The following CAPN11 variants were observed in gnomAD, a reference collection of about 807,000 sequenced individuals.
CAPN11 encodes calpain-11.
Under a neutral mutation model 105.3 loss-of-function variants are expected in CAPN11, and 108 were observed. That is an observed-to-expected ratio of 1.03 (90% CI 0.88 to 1.20). The LOEUF is 1.20. Ranked by LOEUF, CAPN11 falls within the 50% of genes most tolerant of loss-of-function variation. CAPN11 has a pLI of 0.00. For synonymous variants in CAPN11, 329 were observed against 344.5 expected, an observed-to-expected ratio of 0.96 and a Z score of 0.50; for missense variants, 883 against 924.8, an observed-to-expected ratio of 0.95 and a Z score of 0.59.
At chr6:44,168,992 G>A (rs1483173244) in intron 2 of CAPN11, 2 of 482,780 alleles carry the variant, frequency 4.1e-6, no homozygotes, top group Non-Finnish European at 8.2e-6. Context: ...ACATCTCATT[G>A]CAGCCTCAAA....
chr6:44,169,866 G>T (rs779709745), intron 3 of CAPN11, 40 bp from the exon 4 acceptor site: 18 of 1,455,264 alleles, frequency 1.2e-5, no homozygotes, highest in East Asian at 6.9e-5. Flanking sequence ...TGGGGAGGGG[G>T]TGTCCTGGGC....
intron 14 of CAPN11, 101 bp downstream of exon 14, chr6:44,180,264 T>G: frequency 1.0e-6 from 1 of 989,896 alleles, no homozygotes; most frequent in Non-Finnish European, 1.5e-6. Flanking sequence ...TTTGTCCCTA[T>G]TTTACAGTCA....
rs760647465 is a variant in CAPN11 at position 44,172,395 on chromosome 6, A to T, written c.503A>T (p.Asn168Ile). The T allele has an allele frequency of 1.9e-5, 29 of 1,557,504 alleles. No homozygotes were observed. Among genetic ancestry groups the T allele is most frequent in the African/African-American group, 2.7e-5 (2 of 73,198 alleles). Residue 168 changes from asparagine (N) to isoleucine (I), a missense_variant, in exon 5 of 23, where the codon AAC (asparagine) becomes ATC (isoleucine). Transcript: ENST00000398776. ...VVPRGQSFKK[N>I]YAGIFHFQIW... The stretch of plus-strand genomic sequence containing the variant: ...CCCAGAGGACAGAGCTTCAAGAAAA[A>T]CTATGCTGGCATCTTCCATTTTCAG...
chr6:44,176,436 A>G, intron 9 of CAPN11, 98 bp downstream of exon 9: 1 of 1,311,304 alleles, frequency 7.6e-7, no homozygotes. Context: ...AACCTGTACA[A>G]CAGGGCAAAG....
At chr6:44,161,602 G>C (rs1236003675) in intron 1 of CAPN11, among the ~76,000 whole-genome samples, 1 of 152,212 alleles carries the variant, frequency 6.6e-6, no homozygotes, top group Non-Finnish European at 1.5e-5. Context: ...GACTGGGTAT[G>C]CAGCTTCGAA....
At chr6:44,162,226 G>C (rs535711640) in intron 1 of CAPN11, among the ~76,000 whole-genome samples, 2 of 152,186 alleles carry the variant, frequency 1.3e-5, no homozygotes, top group African/African-American at 4.8e-5. Context: ...CACAGATAGG[G>C]ATCAGGGGCT....
At chr6:44,160,342 G>A (rs1360997467) in intron 1 of CAPN11, among the ~76,000 whole-genome samples, 1 of 152,222 alleles carries the variant, frequency 6.6e-6, no homozygotes, top group Non-Finnish European at 1.5e-5. Flanking sequence ...ATCTGGCCGG[G>A]CGCAGTGGCT....
chr6:44,174,025 T>C (rs1214753825), intron 7 of CAPN11, among the ~76,000 whole-genome samples: 1 of 152,224 alleles, frequency 6.6e-6, no homozygotes, highest in Non-Finnish European at 1.5e-5. Context: ...TGACCTTCTT[T>C]GTCTCATTCA....
intron 13 of CAPN11, 94 bp downstream of exon 13, chr6:44,179,724 A>G: frequency 1.5e-6 from 2 of 1,346,232 alleles, no homozygotes; most frequent in African/African-American, 2.9e-5. Flanking sequence ...ATTTGGCGAG[A>G]GGCTCTGGGG....
intron 1 of CAPN11, among the ~76,000 whole-genome samples, chr6:44,161,133 C>T (rs1768709481): frequency 6.6e-6 from 1 of 151,526 alleles, no homozygotes; most frequent in Non-Finnish European, 1.5e-5. Flanking sequence ...GCCCATGTGA[C>T]AGCTTGGATC....
Position 44,177,408 on chromosome 6 carries a change from T to C in CAPN11, c.1404T>C (p.Phe468=). The C allele has an allele frequency of 6.2e-7, 1 of 1,612,754 alleles. No homozygotes were observed. Among genetic ancestry groups the C allele is most frequent in the South Asian group, 1.1e-5 (1 of 91,022 alleles). The stretch of plus-strand genomic sequence containing the variant: ...GAGCCCAGCTGCAGACCATTGGCTT[T>C]GTCCTCTACGCGGTGGGTGCCTGGC... ...QQGAQLQTIG[F]VLYAVPKEFQ... is the part of the protein sequence containing the mutation. Residue 468 remains phenylalanine, a synonymous_variant, in exon 12 of 23, where the codon TTT becomes TTC. Transcript: ENST00000398776.
rs569372213 is a variant in CAPN11 at position 44,183,373 on chromosome 6, C to T, written c.2134+138C>T. On this transcript the variant is annotated intron_variant, in intron 21 of 22. Coordinates refer to ENST00000398776, the MANE Select transcript of CAPN11 (RefSeq NM_007058.4). Reference sequence around the variant, plus strand: ...ATGAAATGGATTCAAAGCCCAGCTCCGCCACTTGCTGGCAGAGGTGACTTG... The same window carrying T: ...ATGAAATGGATTCAAAGCCCAGCTCTGCCACTTGCTGGCAGAGGTGACTTG... The T allele has an allele frequency of 5.3e-4, 341 of 646,904 alleles. 13 individuals are homozygous for T. The South Asian group carries it at 5.5e-3, about 11-fold the overall frequency. 40.1% of individuals were successfully genotyped at this position (646,904 alleles called of 1,614,324 possible).
chr6:44,169,599 T>C (rs1245390552), intron 3 of CAPN11, 68 bp downstream of exon 3: 2 of 1,427,824 alleles, frequency 1.4e-6, no homozygotes, highest in Non-Finnish European at 9.3e-7. Context: ...TCTATCACTT[T>C]TAGAATCTTC....
At chr6:44,179,887 C>T in intron 13 of CAPN11, 65 bp from the exon 14 acceptor site, 1 of 1,328,086 alleles carries the variant, frequency 7.5e-7, no homozygotes, top group African/African-American at 1.4e-5. Context: ...GGCTGTTCAC[C>T]CTGGGGGACC....
In CAPN11 at chr6:44,184,083, G is replaced by A. The variant is rs1001609198; in HGVS notation, c.*151G>A. On this transcript the variant is annotated 3_prime_UTR_variant, in exon 23 of 23. Coordinates refer to ENST00000398776, the MANE Select transcript of CAPN11 (RefSeq NM_007058.4). ...GCAGTGCCCGGGTCCCAGGTGCCGT[G>A]TTTACTGCAGCAGTGGGACCTCCGT... The A allele has an allele frequency of 5.2e-6, 4 of 775,910 alleles. No homozygotes were observed. Among genetic ancestry groups the A allele is most frequent in the Non-Finnish European group, 8.4e-6 (4 of 478,196 alleles). 48.1% of individuals were successfully genotyped at this position (775,910 alleles called of 1,614,324 possible).
At position 44,169,902 on chromosome 6, in the gene CAPN11, G is replaced by A; in HGVS notation, c.340-4G>A. The A allele has an allele frequency of 6.2e-7, 1 of 1,608,538 alleles. No individual in the cohort carries two copies. Among genetic ancestry groups the A allele is most frequent in the Non-Finnish European group, 8.5e-7 (1 of 1,176,470 alleles). On this transcript the variant is annotated splice_region_variant and splice_polypyrimidine_tract_variant and intron_variant, in intron 3 of 22. Transcript: ENST00000398776. ...CCCCTGAAACCTTTATTCCTTCACT[G>A]CAGGATATCATAAACAACCCTCTAT...
At chr6:44,179,041 T>G (rs988714882) in intron 12 of CAPN11, among the ~76,000 whole-genome samples, 1 of 152,170 alleles carries the variant, frequency 6.6e-6, no homozygotes, top group Non-Finnish European at 1.5e-5. Context: ...CCTGTTTAAC[T>G]TGGTTTAACT....
Position 44,182,983 on chromosome 6 carries a change from A to T in CAPN11, c.1981A>T (p.Asn661Tyr). 1 of 1,612,146 alleles carries T rather than the reference A, an allele frequency of 6.2e-7. No individual in the cohort carries two copies. Residue 661 changes from asparagine (N) to tyrosine (Y), a missense_variant, in exon 20 of 23, where the codon AAC becomes TAC. Transcript: ENST00000398776. ...ECDQDHSGTLNSYEMRLVIEK... is the reference protein window; with the variant it reads ...ECDQDHSGTLYSYEMRLVIEK... Reference sequence around the variant, plus strand: ...TGACCAGGACCATTCAGGCACCTTGAACTCCTATGAGATGCGCCTGGTTAT... The same window carrying T: ...TGACCAGGACCATTCAGGCACCTTGTACTCCTATGAGATGCGCCTGGTTAT...
chr6:44,183,853 A>G lies in CAPN11; in HGVS notation c.2194-53A>G, dbSNP rs1157446527. 22 of 1,387,726 alleles carry G rather than the reference A, an allele frequency of 1.6e-5. No individual in the cohort carries two copies. The Admixed American group carries it at 4.3e-4, about 27-fold the overall frequency. 86.0% of individuals were successfully genotyped at this position (1,387,726 alleles called of 1,614,324 possible). ...CACCCAGCTCTGATGTCCCCGGGCC[A>G]GCATCCTGCCCCCGTCTCTTCCCAC... On this transcript the variant is annotated intron_variant, in intron 22 of 22. Transcript: ENST00000398776.
Sources: gnomAD v4.1 joint callset for allele counts (sites outside exome capture counted in the v4.1 genomes callset) on GRCh38, gnomAD v4.1.1 for gene constraint, MANE v1.5 for transcripts, NCBI Gene and HGNC (gene_info 2026-07-23, HGNC 2026-07-21) for gene names.